Variants in PTPRD observed in about 807,000 individuals in gnomAD.
The protein encoded by PTPRD is protein tyrosine phosphatase receptor type D.
A neutral mutation model predicts 214.5 loss-of-function variants in PTPRD; 34 were observed. That is an observed-to-expected ratio of 0.16 (90% CI 0.12 to 0.21). The LOEUF is 0.21. PTPRD is among the 10% of genes least tolerant of loss of function. The pLI is 1.00. For missense variants in PTPRD, 2,545 were observed against 2,398.7 expected (o/e 1.06, Z -1.27); for synonymous variants, 1,128 against 845.7 (o/e 1.33, Z -5.79).
At chr9:8,560,170 G>A (rs1407115535) in intron 14 of PTPRD, among the ~76,000 whole-genome samples, 1 of 151,942 alleles carries the variant, frequency 6.6e-6, no homozygotes, top group East Asian at 1.9e-4. Flanking sequence ...TGCTTTTTGT[G>A]GGTTTATTAT....
chr9:9,864,588 G>A (rs952501999), intron 5 of PTPRD, among the ~76,000 whole-genome samples: 7 of 152,070 alleles, frequency 4.6e-5, no homozygotes, highest in Non-Finnish European at 1.0e-4. Context: ...GCATGAACAT[G>A]GCTCACTGCA....
chr9:9,323,678 T>C (rs796225855), intron 9 of PTPRD, among the ~76,000 whole-genome samples: 19 of 152,222 alleles, frequency 1.2e-4, no homozygotes, highest in African/African-American at 4.1e-4. Context: ...GGCAGTTCCA[T>C]ATGCATTCTC....
chr9:9,391,462 C>T (rs965832200), intron 9 of PTPRD, among the ~76,000 whole-genome samples: 9 of 152,096 alleles, frequency 5.9e-5, no homozygotes, highest in Non-Finnish European at 1.0e-4. Flanking sequence ...TTAGAAATCA[C>T]TAATTATGTA....
intron 11 of PTPRD, among the ~76,000 whole-genome samples, chr9:8,821,710 G>A (rs2097069022): frequency 1.3e-5 from 2 of 152,206 alleles, no homozygotes; most frequent in Admixed American, 1.3e-4. Flanking sequence ...CTGTTGCCCA[G>A]GCTGGATTGC....
At chr9:8,521,036 T>A (rs967115334) in intron 20 of PTPRD, among the ~76,000 whole-genome samples, 1 of 152,146 alleles carries the variant, frequency 6.6e-6, no homozygotes, top group Non-Finnish European at 1.5e-5. Flanking sequence ...TGGGCCTCCA[T>A]GGACTGTCTT....
In PTPRD at chr9:8,573,213, A is replaced by G. The variant is rs78271205; in HGVS notation, c.353-44434T>C. 8.6e-3 allele frequency among the ~76,000 whole-genome samples: 1,310 copies of G among 152,134 alleles called. 15 individuals carry two copies. The highest frequency in any genetic ancestry group is 0.025 in the African/African-American group (1,049 of 41,538). ...TGCCATTTTAACATGTGCTGATAAT[A>G]CGTTCCAAAAATTCTAAAAAATGAT... On this transcript the variant is annotated intron_variant, in intron 14 of 45. Coordinates refer to ENST00000381196, the MANE Select transcript of PTPRD (RefSeq NM_002839.4).
chr9:10,242,000 T>G (rs1266354243), intron 3 of PTPRD, among the ~76,000 whole-genome samples: 1 of 151,974 alleles, frequency 6.6e-6, no homozygotes, highest in African/African-American at 2.4e-5. Context: ...AACAACACGC[T>G]GTTTTCATGT....
rs182707649 is a variant in PTPRD, at chr9:9,693,214, G to C, written c.-287+41319C>G. On this transcript the variant is annotated intron_variant, in intron 7 of 45. Coordinates refer to ENST00000381196, the MANE Select transcript of PTPRD (RefSeq NM_002839.4). ...CTTGTTCCAGATCTGGTATGGTTTA[G>C]CTTTGTGTTCGCACTAAATCTCATC... Among the ~76,000 whole-genome samples, 163 of 151,122 alleles carry C rather than the reference G, an allele frequency of 1.1e-3. 2 individuals carry two copies. Among genetic ancestry groups the C allele is most frequent in the African/African-American group, 3.6e-3 (148 of 40,630 alleles).
chr9:10,488,280 T>C (rs2099146177), intron 2 of PTPRD, among the ~76,000 whole-genome samples: 1 of 146,954 alleles, frequency 6.8e-6, no homozygotes, highest in Non-Finnish European at 1.5e-5. Flanking sequence ...GGCAGGAGAA[T>C]GGCACGAACC....
chr9:9,955,786 T>G (rs1009081546), intron 4 of PTPRD, among the ~76,000 whole-genome samples: 1 of 152,176 alleles, frequency 6.6e-6, no homozygotes, highest in African/African-American at 2.4e-5. Context: ...CCTCCCAAAG[T>G]GCTGGGATTA....
chr9:8,451,092 T>G (rs557938266), intron 33 of PTPRD, among the ~76,000 whole-genome samples: 1 of 152,172 alleles, frequency 6.6e-6, no homozygotes, highest in East Asian at 1.9e-4. Flanking sequence ...TTAAATAGCC[T>G]TTCTTCCCAT....
intron 11 of PTPRD, among the ~76,000 whole-genome samples, chr9:8,968,198 A>G (rs2099211760): frequency 6.6e-6 from 1 of 152,114 alleles, no homozygotes; most frequent in Admixed American, 6.6e-5. Flanking sequence ...TATTGTGAAT[A>G]GTGCTGCAAT....
At chr9:10,566,249 T>C (rs1004449281) in intron 2 of PTPRD, among the ~76,000 whole-genome samples, 4 of 151,990 alleles carry the variant, frequency 2.6e-5, no homozygotes, top group Admixed American at 6.6e-5. Flanking sequence ...ATATGTATAT[T>C]TTTTGGTGTC....
chr9:10,432,972 C>T (rs2098693090), intron 2 of PTPRD, among the ~76,000 whole-genome samples: 1 of 151,906 alleles, frequency 6.6e-6, no homozygotes, highest in Admixed American at 6.6e-5. Context: ...ACCTGTTTGC[C>T]TTTCTTGTCA....
chr9:8,701,129 C>A (rs1344848700), intron 12 of PTPRD, among the ~76,000 whole-genome samples: 1 of 151,876 alleles, frequency 6.6e-6, no homozygotes, highest in African/African-American at 2.4e-5. Flanking sequence ...CCACTGTACT[C>A]CAGCCTGGAC....
intron 3 of PTPRD, among the ~76,000 whole-genome samples, chr9:10,261,008 GTA>G (rs1054674798): frequency 4.1e-4 from 60 of 146,512 alleles, no homozygotes; most frequent in African/African-American, 1.4e-3. Context: ...GTGTATATAT[GTA>G]TATATGTGTG....
intron 9 of PTPRD, among the ~76,000 whole-genome samples, chr9:9,183,618 T>A (rs1445212): frequency 6.6e-6 from 1 of 151,838 alleles, no homozygotes; most frequent in Non-Finnish European, 1.5e-5. Context: ...TTCTTTAAAA[T>A]GTTGAATTGA....
intron 3 of PTPRD, among the ~76,000 whole-genome samples, chr9:10,215,098 C>A (rs1295705666): frequency 6.6e-6 from 1 of 151,972 alleles, no homozygotes; most frequent in African/African-American, 2.4e-5. Context: ...TGCCTCCAAG[C>A]ACAATCTTTT....
At chr9:8,360,085 AT>A (rs1364399547) in intron 39 of PTPRD, among the ~76,000 whole-genome samples, 1 of 152,184 alleles carries the variant, frequency 6.6e-6, no homozygotes, top group Non-Finnish European at 1.5e-5. Context: ...AAGTAATGTA[AT>A]TCTTAGATAA....
Sources: gnomAD v4.1 joint callset for allele counts (sites outside exome capture counted in the v4.1 genomes callset) on GRCh38, gnomAD v4.1.1 for gene constraint, MANE v1.5 for transcripts, NCBI Gene and HGNC (gene_info 2026-07-23, HGNC 2026-07-21) for gene names.